DMD: variants seen among roughly 807,000 people sequenced by gnomAD.
The protein encoded by DMD is mutant dystrophin.
A neutral mutation model predicts 330.1 loss-of-function variants in DMD; 63 were observed. The ratio of observed to expected loss-of-function variants is 0.19; its 90% CI spans 0.16 to 0.24. DMD has a LOEUF of 0.24. Ranked by LOEUF, DMD falls within the 10% of genes least tolerant of loss-of-function variation. DMD has a pLI of 1.00. For missense variants in DMD, 3,344 were observed against 2,684.1 expected (o/e 1.25, Z -5.43); for synonymous variants, 1,223 against 959.8 (o/e 1.27, Z -5.07).
chrX:33,188,828 T>C (rs1291001771), intron 1 of DMD, among the ~76,000 whole-genome samples: 1 of 110,964 alleles, frequency 9.0e-6, no homozygotes, highest in Non-Finnish European at 1.9e-5. Flanking sequence ...TCTAATCCAA[T>C]CTGATTAGTA....
intron 43 of DMD, among the ~76,000 whole-genome samples, chrX:32,232,832 T>C (rs1386943431): frequency 1.8e-5 from 2 of 111,834 alleles, no homozygotes; most frequent in Non-Finnish European, 3.8e-5. Flanking sequence ...CATCAGTATA[T>C]GCTGTGCTCT....
chrX:31,992,575 C>T (rs1310255231), intron 44 of DMD, among the ~76,000 whole-genome samples: 1 of 111,093 alleles, frequency 9.0e-6, no homozygotes, highest in African/African-American at 3.3e-5. Flanking sequence ...AATATGATCA[C>T]GTATGGTCCC....
chrX:31,736,526 T>C (rs752125397), intron 51 of DMD, among the ~76,000 whole-genome samples: 3 of 111,827 alleles, frequency 2.7e-5, no homozygotes, highest in Non-Finnish European at 5.6e-5. Flanking sequence ...AAGGCTAGGA[T>C]AGACTTGGGA....
At chrX:33,099,584 TATGAGTTA>T (rs1179598857) in intron 1 of DMD, among the ~76,000 whole-genome samples, 2 of 111,820 alleles carry the variant, frequency 1.8e-5, no homozygotes, top group African/African-American at 6.5e-5. Context: ...CGTCACTCCA[TATGAGTTA>T]ATAAAAGTCC....
intron 30 of DMD, among the ~76,000 whole-genome samples, chrX:32,410,620 T>TG (rs1447795310): frequency 1.8e-5 from 2 of 111,889 alleles, no homozygotes; most frequent in African/African-American, 6.5e-5. Context: ...AACCTTCTAG[T>TG]GCTCCTCTCA....
At chrX:33,148,598 C>T (rs772425450) in intron 1 of DMD, among the ~76,000 whole-genome samples, 44 of 111,469 alleles carry the variant, frequency 3.9e-4, no homozygotes, top group African/African-American at 1.4e-3. Flanking sequence ...CAGATGGATG[C>T]CATTCCTATA....
chrX:32,902,677 G>T (rs757998654), intron 2 of DMD, among the ~76,000 whole-genome samples: 59 of 110,385 alleles, frequency 5.3e-4, no homozygotes, highest in African/African-American at 1.7e-3. Context: ...AATGGCAAAA[G>T]ATTAGATTTG....
chrX:33,178,414 C>A (rs1160254990), intron 1 of DMD, among the ~76,000 whole-genome samples: 1 of 111,907 alleles, frequency 8.9e-6, no homozygotes, highest in Admixed American at 9.5e-5. Context: ...GGAGCTCACT[C>A]ATGTGGCAAG....
At chrX:31,298,410 T>A (rs61687695) in intron 62 of DMD, among the ~76,000 whole-genome samples, 1 of 97,859 alleles carries the variant, frequency 1.0e-5, no homozygotes. Flanking sequence ...CACACACACA[T>A]ACACACACAC....
intron 43 of DMD, among the ~76,000 whole-genome samples, chrX:32,254,268 C>T (rs2097289635): frequency 1.8e-5 from 2 of 111,581 alleles, no homozygotes; most frequent in South Asian, 7.5e-4. Flanking sequence ...ACTCTAACTC[C>T]TGGCCTCAAG....
intron 56 of DMD, among the ~76,000 whole-genome samples, chrX:31,497,925 G>T (rs1305441035): frequency 8.9e-6 from 1 of 112,230 alleles, no homozygotes; most frequent in Non-Finnish European, 1.9e-5. Flanking sequence ...ACGCTGCAAA[G>T]ATTGAAATGT....
At chrX:33,029,982 T>C (rs1283605686) in intron 1 of DMD, among the ~76,000 whole-genome samples, 1 of 111,570 alleles carries the variant, frequency 9.0e-6, no homozygotes, top group Non-Finnish European at 1.9e-5. Context: ...TCAAATAACC[T>C]GAGTTCCAAC....
At chrX:32,814,506 C>A (rs2077581685) in intron 6 of DMD, among the ~76,000 whole-genome samples, 1 of 111,680 alleles carries the variant, frequency 9.0e-6, no homozygotes, top group Non-Finnish European at 1.9e-5. Context: ...CCATTTTTTT[C>A]TTTAGATAAA....
At chrX:31,449,571 G>C (rs2065536132) in intron 59 of DMD, among the ~76,000 whole-genome samples, 1 of 108,220 alleles carries the variant, frequency 9.2e-6, no homozygotes, top group African/African-American at 3.4e-5. Flanking sequence ...AACTGGATTA[G>C]GAGGAAAGCA....
chrX:32,349,070 G>A (rs184533222), intron 37 of DMD, among the ~76,000 whole-genome samples: 1 of 111,478 alleles, frequency 9.0e-6, no homozygotes, highest in Non-Finnish European at 1.9e-5. Context: ...CTTAGGAACA[G>A]TTTGGTTGGT....
intron 27 of DMD, among the ~76,000 whole-genome samples, chrX:32,446,008 T>G (rs1201698689): frequency 1.8e-5 from 2 of 110,276 alleles, no homozygotes; most frequent in African/African-American, 6.6e-5. Flanking sequence ...TATCCAAAAT[T>G]GAGCAGATAG....
intron 42 of DMD, among the ~76,000 whole-genome samples, chrX:32,291,610 G>A (rs753046052): frequency 7.2e-5 from 8 of 111,751 alleles, no homozygotes; most frequent in African/African-American, 9.8e-5. Flanking sequence ...TGAGTCTTAG[G>A]TATCTGGCCT....
chrX:32,667,170 A>C (rs963004513), intron 9 of DMD, among the ~76,000 whole-genome samples: 13 of 111,618 alleles, frequency 1.2e-4, no homozygotes, highest in Non-Finnish European at 2.3e-4. Flanking sequence ...ACCTTGGATG[A>C]CATCAATGAG....
At chrX:31,832,078 G>C (rs1341367768) in intron 49 of DMD, among the ~76,000 whole-genome samples, 2 of 111,644 alleles carry the variant, frequency 1.8e-5, no homozygotes, top group African/African-American at 6.5e-5. Flanking sequence ...TCATTTCAGG[G>C]GACAATTTTT....
Sources: allele counts gnomAD v4.1 joint callset (sites outside exome capture counted in the v4.1 genomes callset), GRCh38; gene constraint gnomAD v4.1.1; transcripts MANE v1.5; gene names NCBI Gene and HGNC (gene_info 2026-07-23, HGNC 2026-07-21).